The following CREB5 variants were observed in gnomAD, a reference collection of about 807,000 sequenced individuals.
The protein encoded by CREB5 is cAMP responsive element binding protein 5.
In CREB5, 19 loss-of-function variants were observed where a neutral mutation model predicts 57.1. That is an observed-to-expected ratio of 0.33 (90% CI 0.23 to 0.49). The LOEUF is 0.49. Among genes scored for constraint, CREB5 ranks in the 20% least tolerant of loss-of-function variants. CREB5 has a pLI of 0.99. For synonymous variants in CREB5, 238 were observed against 238.3 expected (o/e 1.00, Z 0.01); for missense variants, 579 against 671.6 (o/e 0.86, Z 1.52).
At chr7:28,491,911 G>T (rs1290381181) in intron 2 of CREB5, among the ~76,000 whole-genome samples, 2 of 152,194 alleles carry the variant, frequency 1.3e-5, no homozygotes, top group African/African-American at 4.8e-5. Context: ...GTGAAGAAAT[G>T]ATTTTTTTCT....
chr7:28,599,217 C>T (rs1796812365), intron 5 of CREB5, among the ~76,000 whole-genome samples: 2 of 151,692 alleles, frequency 1.3e-5, no homozygotes, highest in South Asian at 4.2e-4. Context: ...GACATATATA[C>T]AGGATATATA....
chr7:28,542,401 T>C (rs117198072), intron 4 of CREB5, among the ~76,000 whole-genome samples: 3,606 of 152,290 alleles, frequency 0.024, 60 homozygotes, highest in Middle Eastern at 0.079. Flanking sequence ...GAAACAAAGA[T>C]TGATTACCTG....
intron 7 of CREB5, among the ~76,000 whole-genome samples, chr7:28,789,142 A>G (rs1036909295): frequency 2.0e-5 from 3 of 152,198 alleles, no homozygotes; most frequent in African/African-American, 7.2e-5. Context: ...CTCAGAATAC[A>G]CAGAAACCAC....
At chr7:28,464,983 A>G (rs905237383) in intron 1 of CREB5, among the ~76,000 whole-genome samples, 3 of 152,264 alleles carry the variant, frequency 2.0e-5, no homozygotes, top group Non-Finnish European at 1.5e-5. Flanking sequence ...AATTGCACTC[A>G]GATAACCTGG....
intron 5 of CREB5, among the ~76,000 whole-genome samples, chr7:28,713,828 A>G (rs1260571780): frequency 1.3e-5 from 2 of 152,160 alleles, no homozygotes; most frequent in East Asian, 3.9e-4. Flanking sequence ...CTTTAATAAC[A>G]ATGACATCTG....
At position 28,453,933 on chromosome 7, in the gene CREB5, A is replaced by C. The variant is rs183554300; in HGVS notation, c.4-34242A>C. 3.4e-3 allele frequency among the ~76,000 whole-genome samples: 509 copies of C among 150,782 alleles called. 1 individual carries two copies. The highest frequency in any genetic ancestry group is 6.0e-3 in the Non-Finnish European group (407 of 67,802). ...GAGGCTCTGGTCCAAACAAATTCCT[A>C]ACTGAAAGAGACTCCTCTCCAATTC... On this transcript the variant is annotated intron_variant, in intron 1 of 10. Transcript: ENST00000357727.
At chr7:28,710,078 G>A (rs923832893) in intron 5 of CREB5, among the ~76,000 whole-genome samples, 7 of 152,140 alleles carry the variant, frequency 4.6e-5, no homozygotes, top group African/African-American at 1.4e-4. Context: ...ATTTCAAGTG[G>A]AAATTGATTT....
intron 1 of CREB5, among the ~76,000 whole-genome samples, chr7:28,386,371 T>G (rs1787104120): frequency 6.6e-6 from 1 of 152,204 alleles, no homozygotes; most frequent in African/African-American, 2.4e-5. Flanking sequence ...AGTCTGGCTT[T>G]TGTTGCCGCT....
intron 1 of CREB5, among the ~76,000 whole-genome samples, chr7:28,377,918 C>T (rs543963997): frequency 9.9e-6 from 1 of 101,332 alleles, no homozygotes; most frequent in Non-Finnish European, 1.8e-5. Context: ...GGAGACAGAG[C>T]GAGACTCTAT....
intron 1 of CREB5, among the ~76,000 whole-genome samples, chr7:28,444,673 C>A (rs1039635314): frequency 2.6e-5 from 4 of 152,176 alleles, no homozygotes; most frequent in Admixed American, 2.0e-4. Context: ...ATTAGTATAG[C>A]ACAGTGAGAA....
intron 1 of CREB5, among the ~76,000 whole-genome samples, chr7:28,486,652 C>T (rs1005412444): frequency 1.6e-4 from 12 of 72,782 alleles, no homozygotes; most frequent in African/African-American, 5.0e-4. Flanking sequence ...AATAACTAAA[C>T]GTGTATCTCC....
At chr7:28,773,154 G>T (rs1216291608) in intron 7 of CREB5, among the ~76,000 whole-genome samples, 2 of 151,630 alleles carry the variant, frequency 1.3e-5, no homozygotes, top group African/African-American at 4.9e-5. Context: ...TAAATAGCTT[G>T]GTTTCCAAAA....
At chr7:28,600,179 T>G (rs1796859712) in intron 5 of CREB5, among the ~76,000 whole-genome samples, 1 of 152,128 alleles carries the variant, frequency 6.6e-6, no homozygotes, top group African/African-American at 2.4e-5. Flanking sequence ...CAGCCTCTCT[T>G]CTTTTACACT....
intron 1 of CREB5, among the ~76,000 whole-genome samples, chr7:28,369,184 A>T (rs1044326268): frequency 1.3e-5 from 2 of 152,250 alleles, no homozygotes; most frequent in Admixed American, 1.3e-4. Context: ...TCAAACATGT[A>T]GTAGTAGGTG....
chr7:28,779,941 T>A (rs1324717996), intron 7 of CREB5, among the ~76,000 whole-genome samples: 1 of 152,210 alleles, frequency 6.6e-6, no homozygotes, highest in African/African-American at 2.4e-5. Context: ...TGTTTTTATT[T>A]TTTATAGAGA....
intron 1 of CREB5, among the ~76,000 whole-genome samples, chr7:28,357,364 G>A (rs749465535): frequency 9.9e-5 from 15 of 152,092 alleles, no homozygotes; most frequent in African/African-American, 2.4e-4. Context: ...GCAAGCAGAC[G>A]TCTTTACTGG....
rs771919616 is a variant in CREB5 at position 28,488,216 on chromosome 7, G to A, written c.45G>A (p.Pro15=). 42 of 1,613,722 alleles carry A rather than the reference G, an allele frequency of 2.6e-5. No homozygotes were observed. The highest frequency in any genetic ancestry group is 1.6e-4 in the Middle Eastern group (1 of 6,080). Residue 15 remains proline (P), a synonymous_variant, in exon 2 of 11, where the codon CCG becomes CCA. Coordinates refer to ENST00000357727, the MANE Select transcript of CREB5 (RefSeq NM_182898.4). ...ESKMNLEQER[P]FVCSAPGCSQ... ...AGATGAATTTGGAGCAGGAGAGGCC[G>A]TTTGTCTGCAGTGCCCCAGGCTGCT...
intron 5 of CREB5, among the ~76,000 whole-genome samples, chr7:28,679,984 A>G (rs757250453): frequency 1.3e-5 from 2 of 152,008 alleles, no homozygotes; most frequent in Non-Finnish European, 2.9e-5. Flanking sequence ...ATATTTTTCT[A>G]CTAACCCTAC....
At chr7:28,783,040 T>G (rs747463012) in intron 7 of CREB5, among the ~76,000 whole-genome samples, 1 of 152,156 alleles carries the variant, frequency 6.6e-6, no homozygotes, top group African/African-American at 2.4e-5. Context: ...AACCTTTGCT[T>G]CCACATAATT....
Sources: gnomAD v4.1 joint callset for allele counts (sites outside exome capture counted in the v4.1 genomes callset) on GRCh38, gnomAD v4.1.1 for gene constraint, MANE v1.5 for transcripts, NCBI Gene and HGNC (gene_info 2026-07-23, HGNC 2026-07-21) for gene names.